The following GNG12 variants were observed in gnomAD, a reference collection of about 807,000 sequenced individuals.
The protein encoded by GNG12 is G protein subunit gamma 12, also known as guanine nucleotide-binding protein G(I)/G(S)/G(O) subunit gamma-12.
For missense variants in GNG12, 69 were observed against 83.8 expected (o/e 0.82, Z 0.69); for synonymous variants, 28 against 29.7 (o/e 0.94, Z 0.19).
intron 2 of GNG12, among the ~76,000 whole-genome samples, chr1:67,728,240 C>A (rs928037663): frequency 3.3e-5 from 5 of 152,124 alleles, no homozygotes; most frequent in African/African-American, 1.2e-4. Flanking sequence ...CAGGGTAGGA[C>A]TTGGCAAAAG....
intron 2 of GNG12, among the ~76,000 whole-genome samples, chr1:67,760,383 A>C (rs962950204): frequency 3.3e-5 from 5 of 152,064 alleles, no homozygotes; most frequent in Non-Finnish European, 1.5e-5. Flanking sequence ...CAATCAGTTC[A>C]ATTTATTTTT....
chr1:67,718,796 C>A (rs1557595149), intron 2 of GNG12, among the ~76,000 whole-genome samples: 1 of 152,126 alleles, frequency 6.6e-6, no homozygotes, highest in Non-Finnish European at 1.5e-5. Context: ...TCCCAGGAAC[C>A]CCCAGGAAAA....
At chr1:67,733,870 C>A (rs901350996) in intron 2 of GNG12, among the ~76,000 whole-genome samples, 1 of 152,180 alleles carries the variant, frequency 6.6e-6, no homozygotes, top group African/African-American at 2.4e-5. Flanking sequence ...GAAGATGAGC[C>A]TGCAGAATCG....
intron 1 of GNG12, among the ~76,000 whole-genome samples, chr1:67,805,392 G>C (rs1322393511): frequency 6.6e-6 from 1 of 152,118 alleles, no homozygotes; most frequent in African/African-American, 2.4e-5. Context: ...ATCAGACCAG[G>C]AATTTTTTAA....
intron 1 of GNG12, among the ~76,000 whole-genome samples, chr1:67,828,425 T>A (rs562277374): frequency 5.3e-5 from 8 of 152,270 alleles, no homozygotes; most frequent in African/African-American, 1.9e-4. Flanking sequence ...AGATGTGGAG[T>A]TAAGATGCTT....
chr1:67,708,792 G>A (rs1349890232), intron 2 of GNG12, among the ~76,000 whole-genome samples: 1 of 152,180 alleles, frequency 6.6e-6, no homozygotes, highest in Non-Finnish European at 1.5e-5. Flanking sequence ...GACAGTAGGT[G>A]TGCCTCCCCG....
chr1:67,806,274 T>C (rs1646894110), intron 1 of GNG12, among the ~76,000 whole-genome samples: 1 of 152,176 alleles, frequency 6.6e-6, no homozygotes, highest in Non-Finnish European at 1.5e-5. Flanking sequence ...CAGATAATAC[T>C]TTGATTAAAA....
intron 2 of GNG12, among the ~76,000 whole-genome samples, chr1:67,742,088 G>T (rs1304409764): frequency 6.6e-6 from 1 of 152,184 alleles, no homozygotes; most frequent in Non-Finnish European, 1.5e-5. Context: ...CCTTTAAAGT[G>T]CTGAGACTGA....
intron 2 of GNG12, among the ~76,000 whole-genome samples, chr1:67,760,365 T>G (rs1379503202): frequency 6.6e-6 from 1 of 152,270 alleles, no homozygotes; most frequent in Non-Finnish European, 1.5e-5. Context: ...TTTGGTAGGT[T>G]GGTAGGTCAA....
intron 1 of GNG12, among the ~76,000 whole-genome samples, chr1:67,829,103 G>A (rs1647027658): frequency 6.6e-6 from 1 of 152,098 alleles, no homozygotes; most frequent in Non-Finnish European, 1.5e-5. Flanking sequence ...GGAAAATAGG[G>A]GAAAAGCAGG....
chr1:67,726,881 C>G (rs927941845), intron 2 of GNG12, among the ~76,000 whole-genome samples: 1 of 152,108 alleles, frequency 6.6e-6, no homozygotes, highest in African/African-American at 2.4e-5. Flanking sequence ...TACCCACTAC[C>G]TTTGGTTTCA....
At chr1:67,756,084 G>C (rs1646566515) in intron 2 of GNG12, among the ~76,000 whole-genome samples, 1 of 152,164 alleles carries the variant, frequency 6.6e-6, no homozygotes, top group Admixed American at 6.5e-5. Flanking sequence ...TTGTCCTCAA[G>C]GGGCTTAGAG....
chr1:67,772,366 TG>T (rs1297640436), intron 2 of GNG12, among the ~76,000 whole-genome samples: 1 of 152,198 alleles, frequency 6.6e-6, no homozygotes, highest in Non-Finnish European at 1.5e-5. Context: ...ATTGGTAGTC[TG>T]GATCATGACA....
intron 1 of GNG12, among the ~76,000 whole-genome samples, chr1:67,812,821 G>A (rs2100811238): frequency 6.6e-6 from 1 of 152,322 alleles, no homozygotes; most frequent in East Asian, 1.9e-4. Flanking sequence ...ACAAGTGGCT[G>A]GTGGCTATGA....
intron 2 of GNG12, among the ~76,000 whole-genome samples, chr1:67,722,929 C>T (rs1646364151): frequency 2.6e-5 from 4 of 152,226 alleles, no homozygotes; most frequent in Admixed American, 2.6e-4. Flanking sequence ...AATCACTCTC[C>T]CTGAGCCCTC....
Position 67,706,106 on chromosome 1 carries a change from CA to C in GNG12, c.94-531del, listed in dbSNP as rs376614332. Among the ~76,000 whole-genome samples the C allele has an allele frequency of 4.1e-3, 619 of 152,272 alleles. 7 individuals are homozygous for C. Among genetic ancestry groups the C allele is most frequent in the African/African-American group, 0.014 (592 of 41,540 alleles). On this transcript the variant is annotated intron_variant, in intron 3 of 3. Transcript: ENST00000370982. Reference sequence around the variant, plus strand: ...GGGAGAGAGACAGTGCAAGCAAGTACATGTGGTCAAATGTTAAAAACTGGTG... The same window carrying C: ...GGGAGAGAGACAGTGCAAGCAAGTACTGTGGTCAAATGTTAAAAACTGGTG...
chr1:67,811,798 T>A (rs1452027761), intron 1 of GNG12, among the ~76,000 whole-genome samples: 2 of 148,522 alleles, frequency 1.3e-5, no homozygotes, highest in Non-Finnish European at 3.0e-5. Context: ...GGCTCAGCAG[T>A]AAGCAGTAGA....
intron 1 of GNG12, among the ~76,000 whole-genome samples, chr1:67,785,286 T>C (rs1041956156): frequency 6.6e-6 from 1 of 152,186 alleles, no homozygotes; most frequent in African/African-American, 2.4e-5. Context: ...CCTCACACAG[T>C]TTTTTATACA....
chr1:67,765,071 A>C (rs950089809), intron 2 of GNG12, among the ~76,000 whole-genome samples: 3 of 152,218 alleles, frequency 2.0e-5, no homozygotes, highest in African/African-American at 7.2e-5. Flanking sequence ...AGAATACATA[A>C]AAATTAAAGT....
Sources: allele counts gnomAD v4.1 joint callset (sites outside exome capture counted in the v4.1 genomes callset), GRCh38; gene constraint gnomAD v4.1.1; transcripts MANE v1.5; gene names NCBI Gene and HGNC (gene_info 2026-07-23, HGNC 2026-07-21).